Variants in MIDEAS observed in about 807,000 individuals in gnomAD.
MIDEAS encodes mitotic deacetylase-associated SANT domain protein.
Under a neutral mutation model 102.7 loss-of-function variants are expected in MIDEAS, and 26 were observed. The ratio of observed to expected loss-of-function variants is 0.25; its 90% CI spans 0.19 to 0.35. The LOEUF (loss-of-function observed/expected upper bound fraction) is 0.35. MIDEAS is among the 10% of genes least tolerant of loss of function. MIDEAS has a pLI of 1.00. For synonymous variants in MIDEAS, 585 were observed against 591.0 expected, an observed-to-expected ratio of 0.99 and a Z score of 0.15; for missense variants, 1,231 against 1,435.6, an observed-to-expected ratio of 0.86 and a Z score of 2.30.
At position 73,718,643 on chromosome 14, in the gene MIDEAS, T is replaced by G; in HGVS notation, c.*200A>C. On this transcript the variant is annotated 3_prime_UTR_variant, in exon 13 of 13. Transcript: ENST00000423556. ...CCGACAGACCAAATGCAAAGAGAGC[T>G]GGATCCTGGAGCCCTTAACGCTGCT... 2.1e-6 allele frequency: 1 copy of G among 469,982 alleles called. No individual in the cohort carries two copies. The highest frequency in any genetic ancestry group is 3.5e-6 in the Non-Finnish European group (1 of 289,218). 29.1% of individuals were successfully genotyped at this position (469,982 alleles called of 1,614,324 possible).
At chr14:73,722,617 G>A (rs1436043046) in intron 10 of MIDEAS, 81 bp downstream of exon 10, 4 of 1,540,274 alleles carry the variant, frequency 2.6e-6, no homozygotes, top group Non-Finnish European at 3.5e-6. Flanking sequence ...CTCCTGGAGA[G>A]CTCGGGCTCG....
chr14:73,720,200 G>T (rs998172639), intron 11 of MIDEAS, among the ~76,000 whole-genome samples: 1 of 151,786 alleles, frequency 6.6e-6, no homozygotes, highest in Admixed American at 6.6e-5. Context: ...TACAGTTTAT[G>T]GGAGCTCTGT....
chr14:73,777,757 T>A (rs2053704536), intron 1 of MIDEAS, among the ~76,000 whole-genome samples: 1 of 152,004 alleles, frequency 6.6e-6, no homozygotes, highest in South Asian at 2.1e-4. Flanking sequence ...TGCAAGGCAC[T>A]GGGGTTTTCC....
In MIDEAS at chr14:73,727,441, G is replaced by C; in HGVS notation, c.2162+17C>G. The stretch of plus-strand genomic sequence containing the variant: ...TGGCCACCCACACCCCTCGGCCAGG[G>C]GCAGGGCTGCACTTACGGCTCGATG... On this transcript the variant is annotated intron_variant, in intron 5 of 12. Transcript: ENST00000423556. 6.2e-7 allele frequency: 1 copy of C among 1,613,858 alleles called. No individual in the cohort carries two copies. The highest frequency in any genetic ancestry group is 8.5e-7 in the Non-Finnish European group (1 of 1,179,904).
chr14:73,769,170 CCT>C, intron 1 of MIDEAS, among the ~76,000 whole-genome samples: 1 of 152,348 alleles, frequency 6.6e-6, no homozygotes, highest in East Asian at 1.9e-4. Flanking sequence ...AGGGTCTTTC[CCT>C]CTCACTCCCT....
In MIDEAS at chr14:73,740,063, C is replaced by G. The variant is rs2053264478; in HGVS notation, c.-55G>C. ...ATCCCCTTCAACAGTCGCCCATCCC[C>G]TGGGGAAACGTCCTGCTGGAAGCCG... On this transcript the variant is annotated 5_prime_UTR_variant, in exon 2 of 13. Coordinates refer to ENST00000423556, the MANE Select transcript of MIDEAS (RefSeq NM_001367710.1). The G allele has an allele frequency of 7.0e-7, 1 of 1,419,834 alleles. No homozygotes were observed. The highest frequency in any genetic ancestry group is 9.2e-7 in the Non-Finnish European group (1 of 1,085,356). 88.0% of individuals were successfully genotyped at this position (1,419,834 alleles called of 1,614,324 possible).
At chr14:73,755,292 G>T (rs182484544) in intron 1 of MIDEAS, among the ~76,000 whole-genome samples, 314 of 152,236 alleles carry the variant, frequency 2.1e-3, no homozygotes, top group Non-Finnish European at 2.5e-3. Flanking sequence ...ATGACAGCCA[G>T]CAACTGCAGC....
At position 73,784,365 on chromosome 14, in the gene MIDEAS, G is replaced by A. The variant is rs141082478; in HGVS notation, c.-248+2737C>T. 4.4e-3 allele frequency among the ~76,000 whole-genome samples: 671 copies of A among 152,346 alleles called. 1 individual carries two copies. The highest frequency in any genetic ancestry group is 6.2e-3 in the Non-Finnish European group (424 of 68,042). On this transcript the variant is annotated intron_variant, in intron 1 of 11. Coordinates refer to the MIDEAS transcript ENST00000394071. ...GCAAAGCTGAGCAAGCCAGGGAAAGGGCCTGAGTTATGCACAAAAATCTGC... is the reference window on the plus strand; with the variant it reads ...GCAAAGCTGAGCAAGCCAGGGAAAGAGCCTGAGTTATGCACAAAAATCTGC...
chr14:73,752,554 G>GCTTC (rs2053433441), intron 1 of MIDEAS, among the ~76,000 whole-genome samples: 1 of 152,128 alleles, frequency 6.6e-6, no homozygotes, highest in Non-Finnish European at 1.5e-5. Context: ...CCTAGTACAT[G>GCTTC]CTAGCGACCA....
At chr14:73,755,586 G>T (rs533240789) in intron 1 of MIDEAS, among the ~76,000 whole-genome samples, 1 of 152,124 alleles carries the variant, frequency 6.6e-6, no homozygotes, top group South Asian at 2.1e-4. Context: ...GCTCAGCCTG[G>T]GGCCTGGGCG....
rs2140089258 is a variant in MIDEAS at position 73,718,364 on chromosome 14, T to G, written c.*479A>C. 1 of 153,092 alleles carries G rather than the reference T, an allele frequency of 6.5e-6. No individual in the cohort carries two copies. Among genetic ancestry groups the G allele is most frequent in the South Asian group, 2.1e-4 (1 of 4,844 alleles). 9.5% of individuals were successfully genotyped at this position (153,092 alleles called of 1,614,324 possible). On this transcript the variant is annotated 3_prime_UTR_variant, in exon 13 of 13. Coordinates refer to ENST00000423556, the MANE Select transcript of MIDEAS (RefSeq NM_001367710.1). ...CCCGCAGACTCCCTCCAAGAGTTTCTTTTTCTGGGGCTTGGGGCAGGGCCG... is the reference window on the plus strand; with the variant it reads ...CCCGCAGACTCCCTCCAAGAGTTTCGTTTTCTGGGGCTTGGGGCAGGGCCG...
At chr14:73,734,637 C>T (rs973759162) in intron 3 of MIDEAS, among the ~76,000 whole-genome samples, 2 of 151,968 alleles carry the variant, frequency 1.3e-5, no homozygotes, top group Non-Finnish European at 2.9e-5. Context: ...CCTTGTGTTG[C>T]CCAGGCTGGT....
At chr14:73,775,092 TC>T (rs1215362952) in intron 1 of MIDEAS, among the ~76,000 whole-genome samples, 3 of 151,910 alleles carry the variant, frequency 2.0e-5, no homozygotes, top group Non-Finnish European at 4.4e-5. Context: ...GAGAGGGCAT[TC>T]CAGATGGAAG....
At chr14:73,722,398 G>C in intron 10 of MIDEAS, 1 of 207,026 alleles carries the variant, frequency 4.8e-6, no homozygotes, top group East Asian at 1.1e-4. Context: ...GGTGATACAA[G>C]AATGACTGAG....
In MIDEAS at chr14:73,726,103, C is replaced by T. The variant is rs777999728; in HGVS notation, c.2415G>A (p.Thr805=). 6.9e-6 allele frequency: 11 copies of T among 1,590,386 alleles called. No homozygotes were observed. Among genetic ancestry groups the T allele is most frequent in the Middle Eastern group, 1.7e-4 (1 of 6,032 alleles). The change falls in exon 8 of 13, where the codon ACG becomes ACA. Residue 805 remains threonine (T), a synonymous_variant. Transcript: ENST00000423556. ...LHESRGDILE[T]LNKLLLKKPL... ...GCTTCTTCAGCAGCAGCTTATTCAG[C>T]GTTTCCTGGAGGGGAAGTGAGGGAA...
chr14:73,736,851 C>T, intron 3 of MIDEAS, 147 bp downstream of exon 3: 1 of 774,244 alleles, frequency 1.3e-6, no homozygotes, highest in Non-Finnish European at 2.0e-6. Context: ...GGACGTCTGT[C>T]CAGAAGTTTG....
In MIDEAS at chr14:73,718,831, T is replaced by C; in HGVS notation, c.*12A>G. 1.4e-6 allele frequency: 2 copies of C among 1,422,684 alleles called. No homozygotes were observed. Among genetic ancestry groups the C allele is most frequent in the Non-Finnish European group, 1.8e-6 (2 of 1,097,246 alleles). 88.1% of individuals were successfully genotyped at this position (1,422,684 alleles called of 1,614,324 possible). A position where few individuals can be genotyped will look rare whatever the true frequency, so the allele number is the denominator to read the frequency against. On this transcript the variant is annotated 3_prime_UTR_variant, in exon 13 of 13. Coordinates refer to ENST00000423556, the MANE Select transcript of MIDEAS (RefSeq NM_001367710.1). ...GCCGAGGCCCAGGACTGGGCCAGCC[T>C]GGCTCCCGCGCTCAGCCCTTGTCGC...
intron 4 of MIDEAS, chr14:73,727,768 G>T: frequency 2.1e-6 from 1 of 486,686 alleles, no homozygotes; most frequent in South Asian, 2.9e-5. Context: ...TGTCTCCTAC[G>T]GTTAATGTGA....
At chr14:73,754,976 G>A (rs900976911) in intron 1 of MIDEAS, 1 of 152,228 alleles carries the variant, frequency 6.6e-6, no homozygotes, top group Non-Finnish European at 1.5e-5. Flanking sequence ...CTTCTGGCCA[G>A]CTACAAGCCT....
Sources: gnomAD v4.1 joint callset for allele counts (sites outside exome capture counted in the v4.1 genomes callset) on GRCh38, gnomAD v4.1.1 for gene constraint, MANE v1.5 for transcripts, NCBI Gene and HGNC (gene_info 2026-07-23, HGNC 2026-07-21) for gene names.